The following ADGRD1 variants were observed in gnomAD, a reference collection of about 807,000 sequenced individuals.
ADGRD1 encodes adhesion G protein-coupled receptor D1.
A neutral mutation model predicts 113.4 loss-of-function variants in ADGRD1; 77 were observed. That is an observed-to-expected ratio of 0.68 (90% CI 0.57 to 0.82). The LOEUF is 0.82. Ranked by LOEUF, ADGRD1 falls within the 40% of genes least tolerant of loss-of-function variation. The pLI, the probability that ADGRD1 is intolerant of heterozygous loss-of-function variation, is 0.00. For synonymous variants in ADGRD1, 474 were observed against 475.0 expected, an observed-to-expected ratio of 1.00 and a Z score of 0.03; for missense variants, 1,036 against 1,139.1, an observed-to-expected ratio of 0.91 and a Z score of 1.30.
At chr12:131,133,640 T>C (rs2136103852) in intron 21 of ADGRD1, among the ~76,000 whole-genome samples, 1 of 152,300 alleles carries the variant, frequency 6.6e-6, no homozygotes, top group Admixed American at 6.5e-5. Context: ...TCTGGGTCCC[T>C]CTCCATTGTG....
chr12:131,097,509 C>G (rs1389896371), intron 15 of ADGRD1, among the ~76,000 whole-genome samples: 1 of 152,220 alleles, frequency 6.6e-6, no homozygotes, highest in African/African-American at 2.4e-5. Context: ...GCAACTGGAC[C>G]CAGCCCGGGG....
intron 13 of ADGRD1, among the ~76,000 whole-genome samples, chr12:131,056,774 C>A (rs10773839): frequency 6.6e-6 from 1 of 152,040 alleles, no homozygotes; most frequent in African/African-American, 2.4e-5. Context: ...ATCACTTCCC[C>A]TGGTTCTAGC....
intron 20 of ADGRD1, among the ~76,000 whole-genome samples, chr12:131,123,682 C>T (rs992525739): frequency 6.6e-6 from 1 of 151,962 alleles, no homozygotes; most frequent in Admixed American, 6.5e-5. Flanking sequence ...ATTAGCTGGG[C>T]GTGGTGGCGG....
At chr12:130,996,983 G>A (rs1253621080) in intron 8 of ADGRD1, among the ~76,000 whole-genome samples, 1 of 135,444 alleles carries the variant, frequency 7.4e-6, no homozygotes, top group Non-Finnish European at 1.6e-5. Flanking sequence ...CCTCCCTCCC[G>A]GATGGGGCGG....
Position 131,084,445 on chromosome 12 carries a change from C to A in ADGRD1, c.1548-95C>A. ...GCAGGTGTGGGCGCCGCCATGAGTTCACGGGGCCATGTGTTATGGGGGGTG... is the reference window on the plus strand; with the variant it reads ...GCAGGTGTGGGCGCCGCCATGAGTTAACGGGGCCATGTGTTATGGGGGGTG... On this transcript the variant is annotated intron_variant, in intron 14 of 24. Coordinates refer to ENST00000261654, the MANE Select transcript of ADGRD1 (RefSeq NM_198827.5). The surrounding 1 kb of genome is among the most constrained non-coding windows in gnomAD (Gnocchi z 4.5). 1 of 1,391,288 alleles carries A rather than the reference C, an allele frequency of 7.2e-7. No individual in the cohort carries two copies. The highest frequency in any genetic ancestry group is 1.0e-6 in the Non-Finnish European group (1 of 990,738). 86.2% of individuals were successfully genotyped at this position (1,391,288 alleles called of 1,614,324 possible).
intron 12 of ADGRD1, 49 bp downstream of exon 12, chr12:131,006,096 G>T: frequency 6.7e-7 from 1 of 1,499,020 alleles, no homozygotes; most frequent in Non-Finnish European, 9.3e-7. Flanking sequence ...GCGTGGGTTT[G>T]CTGGGTGGCT....
intron 20 of ADGRD1, among the ~76,000 whole-genome samples, chr12:131,125,992 T>G (rs1158611203): frequency 6.6e-6 from 1 of 152,242 alleles, no homozygotes; most frequent in African/African-American, 2.4e-5. Context: ...GAAAAATTAT[T>G]ACTCGAACCT....
chr12:130,987,883 T>C (rs1253995545), intron 6 of ADGRD1: 1 of 167,604 alleles, frequency 6.0e-6, no homozygotes, highest in Admixed American at 5.5e-5. Context: ...CATTTAAAAA[T>C]GAACAAGTCA....
At chr12:131,049,093 C>T (rs551965345) in intron 13 of ADGRD1, among the ~76,000 whole-genome samples, 2 of 152,360 alleles carry the variant, frequency 1.3e-5, no homozygotes, top group South Asian at 2.1e-4. Context: ...CTGTACGTCA[C>T]GAGCACTCTG....
chr12:131,038,931 G>A (rs1881826775), intron 13 of ADGRD1, among the ~76,000 whole-genome samples: 1 of 152,264 alleles, frequency 6.6e-6, no homozygotes, highest in African/African-American at 2.4e-5. Flanking sequence ...AGATGGAGCA[G>A]GGTGGTTACG....
chr12:130,976,869 A>AG (rs1159497065), intron 4 of ADGRD1: 1 of 151,710 alleles, frequency 6.6e-6, no homozygotes, highest in Non-Finnish European at 1.5e-5. Context: ...GAAAAAAAAA[A>AG]AAAAAATTTA....
intron 20 of ADGRD1, among the ~76,000 whole-genome samples, chr12:131,123,678 T>A (rs995622447): frequency 6.6e-6 from 1 of 151,814 alleles, no homozygotes; most frequent in Non-Finnish European, 1.5e-5. Flanking sequence ...AAAAATTAGC[T>A]GGGCGTGGTG....
intron 8 of ADGRD1, among the ~76,000 whole-genome samples, chr12:130,996,616 C>A (rs1455719283): frequency 1.8e-4 from 19 of 104,280 alleles, no homozygotes; most frequent in East Asian, 5.3e-4. Context: ...CGGGCAGAGG[C>A]GCCCCTCACC....
chr12:131,130,780 C>T (rs568666558), intron 20 of ADGRD1, among the ~76,000 whole-genome samples: 21 of 151,604 alleles, frequency 1.4e-4, no homozygotes, highest in African/African-American at 4.4e-4. Context: ...CTGGCCATCC[C>T]GTGCGGGGCC....
intron 13 of ADGRD1, among the ~76,000 whole-genome samples, chr12:131,045,802 C>G (rs547186096): frequency 6.6e-6 from 1 of 152,156 alleles, no homozygotes; most frequent in Non-Finnish European, 1.5e-5. Context: ...AGCTGCCCTG[C>G]GGTCCTCAGG....
At chr12:131,056,634 A>T (rs894813829) in intron 13 of ADGRD1, among the ~76,000 whole-genome samples, 3 of 152,230 alleles carry the variant, frequency 2.0e-5, no homozygotes, top group African/African-American at 7.2e-5. Flanking sequence ...AATTTATAAC[A>T]TGAATATTCC....
At chr12:131,070,969 CA>C in intron 13 of ADGRD1, 1 of 517,828 alleles carries the variant, frequency 1.9e-6, no homozygotes, top group South Asian at 1.4e-5. Flanking sequence ...GCTGCACCAT[CA>C]GGGGAATGTA....
intron 17 of ADGRD1, among the ~76,000 whole-genome samples, chr12:131,108,070 G>A (rs966094665): frequency 2.6e-5 from 4 of 152,164 alleles, no homozygotes; most frequent in Admixed American, 1.3e-4. Flanking sequence ...TCTCCGTCCT[G>A]GGCACCTGGG....
chr12:131,115,273 G>C (rs1950437069), intron 18 of ADGRD1, among the ~76,000 whole-genome samples: 1 of 152,174 alleles, frequency 6.6e-6, no homozygotes, highest in Non-Finnish European at 1.5e-5. Flanking sequence ...TGAGGGAAGG[G>C]GTCAGAGAGG....
Sources: allele counts gnomAD v4.1 joint callset (sites outside exome capture counted in the v4.1 genomes callset), GRCh38; gene constraint gnomAD v4.1.1; non-coding constraint Gnocchi (gnomAD v3.1); transcripts MANE v1.5; gene names NCBI Gene and HGNC (gene_info 2026-07-23, HGNC 2026-07-21).